Variants in HARS2 observed in about 807,000 individuals in gnomAD.
HARS2 encodes the protein histidyl-tRNA synthetase 2, mitochondrial, also known as histidine--tRNA ligase, mitochondrial.
Under a neutral mutation model 62.4 loss-of-function variants are expected in HARS2, and 40 were observed. The observed-to-expected ratio is 0.64, with a 90% CI of 0.50 to 0.83. The LOEUF (loss-of-function observed/expected upper bound fraction) is 0.83, where lower values mean the gene tolerates loss of function less well. Ranked by LOEUF, HARS2 falls within the 40% of genes least tolerant of loss-of-function variation. The pLI is 0.00. For synonymous variants in HARS2, 228 were observed against 227.0 expected (o/e 1.00, Z -0.04); for missense variants, 569 against 626.4 (o/e 0.91, Z 0.98).
At chr5:140,696,276 A>G in intron 7 of HARS2, 75 bp downstream of exon 7, 1 of 1,111,404 alleles carries the variant, frequency 9.0e-7, no homozygotes, top group Non-Finnish European at 1.4e-6. Context: ...ACTAGTGAAA[A>G]ATAAGGAGAT....
intron 7 of HARS2, 59 bp downstream of exon 7, chr5:140,696,260 C>A: frequency 8.3e-7 from 1 of 1,201,168 alleles, no homozygotes; most frequent in Non-Finnish European, 1.2e-6. Flanking sequence ...CCCTCAAATC[C>A]ATACCACTAG....
Position 140,697,554 on chromosome 5 carries a change from C to A in HARS2, c.1198-15C>A. ...AGGAGGTTTTTATTAGTTTTACTTT[C>A]TTCTCTCTTATTAGACCAAAGGTGA... On this transcript the variant is annotated splice_polypyrimidine_tract_variant and intron_variant, in intron 10 of 12. Transcript: ENST00000230771. 2 of 1,606,328 alleles carry A rather than the reference C, an allele frequency of 1.2e-6. No individual in the cohort carries two copies. Among genetic ancestry groups the A allele is most frequent in the Non-Finnish European group, 1.7e-6 (2 of 1,172,948 alleles).
In HARS2 at chr5:140,694,182, T is replaced by A; in HGVS notation, c.304-3T>A. 6.2e-7 allele frequency: 1 copy of A among 1,611,178 alleles called. No homozygotes were observed. Among genetic ancestry groups the A allele is most frequent in the Non-Finnish European group, 8.5e-7 (1 of 1,177,244 alleles). Reference sequence around the variant, plus strand: ...TGTGGCTCATTCTGTTTGACCCCTATAGGAAACCCTGACTGAGAAGTATGG... The same window carrying A: ...TGTGGCTCATTCTGTTTGACCCCTAAAGGAAACCCTGACTGAGAAGTATGG... On this transcript the variant is annotated splice_polypyrimidine_tract_variant and splice_region_variant and intron_variant, in intron 3 of 12. Coordinates refer to ENST00000230771, the MANE Select transcript of HARS2 (RefSeq NM_012208.4).
chr5:140,693,812 C>A, intron 2 of HARS2, 123 bp from the exon 3 acceptor site: 1 of 1,266,376 alleles, frequency 7.9e-7, no homozygotes, highest in Non-Finnish European at 1.2e-6. Context: ...GGCTCAGAGT[C>A]ATTTGAACTC....
In HARS2 at chr5:140,695,582, G is replaced by A; in HGVS notation, c.474G>A (p.Arg158=). Residue 158 remains arginine (R), a synonymous_variant, in exon 5 of 13, where the codon CGG becomes CGA. Transcript: ENST00000230771. ...MKRYHVGKVW[R]RESPTIVQGR... ...GTTATCATGTTGGAAAGGTGTGGCG[G>A]CGAGAGAGCCCAACCATAGTCCAAG... The A allele has an allele frequency of 6.2e-7, 1 of 1,614,208 alleles. No individual in the cohort carries two copies. Among genetic ancestry groups the A allele is most frequent in the Non-Finnish European group, 8.5e-7 (1 of 1,180,026 alleles).
rs568507257 is a variant in HARS2, at chr5:140,698,786, C to T, written c.*234C>T. 3.5e-6 allele frequency: 2 copies of T among 577,550 alleles called. No individual in the cohort carries two copies. The highest frequency in any genetic ancestry group is 6.0e-5 in the East Asian group (2 of 33,246). 35.8% of individuals were successfully genotyped at this position (577,550 alleles called of 1,614,324 possible). ...TGGCTGGATGTGAAAGAGACATGCT[C>T]TAGCTGCAGAGGCAAATTTGAAGTG... On this transcript the variant is annotated 3_prime_UTR_variant, in exon 13 of 13. Coordinates refer to ENST00000230771, the MANE Select transcript of HARS2 (RefSeq NM_012208.4).
intron 7 of HARS2, 130 bp downstream of exon 7, chr5:140,696,331 T>A (rs1759740374): frequency 1.2e-6 from 1 of 815,062 alleles, no homozygotes; most frequent in African/African-American, 1.7e-5. Flanking sequence ...TAAGGAGGCA[T>A]ACTCTGAAGG....
chr5:140,695,359 C>T, intron 4 of HARS2, 149 bp from the exon 5 acceptor site: 1 of 841,786 alleles, frequency 1.2e-6, no homozygotes, highest in Non-Finnish European at 2.0e-6. Flanking sequence ...GAATTCCAAG[C>T]ACTGCTAGGC....
At chr5:140,694,710 C>T (rs1759679159) in intron 4 of HARS2, among the ~76,000 whole-genome samples, 1 of 152,122 alleles carries the variant, frequency 6.6e-6, no homozygotes, top group Admixed American at 6.5e-5. Flanking sequence ...TACTCAGCTC[C>T]TGCTGAGCTC....
chr5:140,694,017 G>T lies in HARS2; in HGVS notation c.266G>T (p.Gly89Val). ...DLVISCFKRH[G>V]AKGMDTPAFE... ...GTTATCAGCTGCTTTAAACGTCATGGAGCAAAGGGGATGGACACCCCAGCA... is the reference window on the plus strand; with the variant it reads ...GTTATCAGCTGCTTTAAACGTCATGTAGCAAAGGGGATGGACACCCCAGCA... Residue 89 changes from glycine to valine, a missense_variant, in exon 3 of 13, where the codon GGA becomes GTA. Transcript: ENST00000230771. 6 of 1,614,182 alleles carry T rather than the reference G, an allele frequency of 3.7e-6. No individual in the cohort carries two copies. The highest frequency in any genetic ancestry group is 5.1e-6 in the Non-Finnish European group (6 of 1,180,000).
chr5:140,694,577 T>G (rs1455142477), intron 4 of HARS2, among the ~76,000 whole-genome samples: 7 of 151,938 alleles, frequency 4.6e-5, no homozygotes, highest in African/African-American at 1.5e-4. Context: ...TAAAAAATTG[T>G]TTTTTTTGGC....
rs140083454 is a variant in HARS2, at chr5:140,693,634, A to G, written c.152A>G (p.Glu51Gly). The stretch of plus-strand genomic sequence containing the variant: ...ACATCCCAACTGAAAGCACATCAAG[A>G]GAAACCAAATTTTATTATCAAGACC... ...VLTSQLKAHQ[E>G]KPNFIIKTPK... The change falls in exon 2 of 13, where the codon GAG becomes GGG. Residue 51 changes from glutamate to glycine, a missense_variant. Glu to Gly is a moderately conservative substitution (Grantham distance 98). Coordinates refer to ENST00000230771, the MANE Select transcript of HARS2 (RefSeq NM_012208.4). 5.3e-5 allele frequency: 85 copies of G among 1,614,142 alleles called. No homozygotes were observed. In the African/African-American group the frequency reaches 1.1e-3, roughly 21 times the overall value.
At chr5:140,692,204 A>T (rs959932658) in intron 1 of HARS2, 1 of 192,052 alleles carries the variant, frequency 5.2e-6, no homozygotes, top group African/African-American at 2.4e-5. Flanking sequence ...GATGTCAGAG[A>T]GTTTTGGATT....
chr5:140,693,055 TG>T (rs1759585692), intron 1 of HARS2, among the ~76,000 whole-genome samples: 1 of 151,910 alleles, frequency 6.6e-6, no homozygotes, highest in African/African-American at 2.4e-5. Context: ...AAAATGCGGC[TG>T]AGCTCGGTGG....
chr5:140,695,390 G>T, intron 4 of HARS2, 118 bp from the exon 5 acceptor site: 1 of 1,130,080 alleles, frequency 8.8e-7, no homozygotes, highest in Non-Finnish European at 1.3e-6. Context: ...GTGGAAAAAA[G>T]GGAAGGTCCT....
intron 1 of HARS2, among the ~76,000 whole-genome samples, chr5:140,692,488 A>G (rs750222544): frequency 1.3e-5 from 2 of 152,218 alleles, no homozygotes; most frequent in Non-Finnish European, 2.9e-5. Flanking sequence ...CAAGAAATCC[A>G]TATCTTATCA....
chr5:140,695,068 A>G lies in HARS2; in HGVS notation c.400-440A>G, dbSNP rs142262988. On this transcript the variant is annotated intron_variant, in intron 4 of 12. Coordinates refer to ENST00000230771, the MANE Select transcript of HARS2 (RefSeq NM_012208.4). ...AGTGCTGGGGTTACGGGTGTGAGCC[A>G]CTGCATCTGGCCTACAGTCTGCATT... 2.5e-3 allele frequency among the ~76,000 whole-genome samples: 379 copies of G among 152,276 alleles called. 2 individuals carry two copies. The highest frequency in any genetic ancestry group is 8.8e-3 in the African/African-American group (365 of 41,568).
At chr5:140,697,140 C>T in intron 9 of HARS2, 24 bp from the exon 10 acceptor site, 1 of 1,614,206 alleles carries the variant, frequency 6.2e-7, no homozygotes, top group Non-Finnish European at 8.5e-7. Context: ...TAGTTTGGGA[C>T]TGACTGTAAT....
At chr5:140,694,801 C>T (rs1487553154) in intron 4 of HARS2, among the ~76,000 whole-genome samples, 1 of 152,066 alleles carries the variant, frequency 6.6e-6, no homozygotes, top group Non-Finnish European at 1.5e-5. Flanking sequence ...AAAAAGTTAG[C>T]TGGCTGTGGT....
Sources: allele counts gnomAD v4.1 joint callset (sites outside exome capture counted in the v4.1 genomes callset), GRCh38; gene constraint gnomAD v4.1.1; transcripts MANE v1.5; gene names NCBI Gene and HGNC (gene_info 2026-07-23, HGNC 2026-07-21).